Variants in APTX observed in about 807,000 individuals in gnomAD.
The protein encoded by APTX is aprataxin, also known as forkhead-associated domain histidine triad-like protein.
Under a neutral mutation model 42.3 loss-of-function variants are expected in APTX, and 33 were observed. The ratio of observed to expected loss-of-function variants is 0.78; its 90% confidence interval spans 0.59 to 1.04. APTX has a LOEUF of 1.04. Among genes scored for constraint, APTX ranks in the 50% least tolerant of loss-of-function variants. APTX has a pLI of 0.00. For missense variants in APTX, 421 were observed against 415.1 expected, an observed-to-expected ratio of 1.01 and a Z score of -0.12; for synonymous variants, 130 against 146.7, an observed-to-expected ratio of 0.89 and a Z score of 0.82.
chr9:33,006,816 T>C (rs374126026), intron 1 of APTX, among the ~76,000 whole-genome samples: 3 of 151,486 alleles, frequency 2.0e-5, no homozygotes, highest in Non-Finnish European at 2.9e-5. Context: ...CTGGCTAACA[T>C]GGTGAAACCC....
Position 32,984,836 on chromosome 9 carries a change from C to T in APTX, c.565G>A (p.Val189Met), listed in dbSNP as rs760391639. The change falls in exon 6 of 8, where the codon GTG (valine) becomes ATG (methionine). Residue 189 changes from valine to methionine, a missense_variant. Coordinates refer to ENST00000379817, the MANE Select transcript of APTX (RefSeq NM_001195248.2). ...TTTGGGTATTTATCCTTTATCACCA[C>T]CACCTGCTCATCTTTGTAAACCTAG... Reference protein sequence around the residue: ...KMQVYKDEQVVVIKDKYPKAR... With the variant: ...KMQVYKDEQVMVIKDKYPKAR... 1.9e-6 allele frequency: 3 copies of T among 1,614,172 alleles called. No homozygotes were observed. The highest frequency in any genetic ancestry group is 2.5e-6 in the Non-Finnish European group (3 of 1,180,004).
intron 1 of APTX, among the ~76,000 whole-genome samples, chr9:33,021,384 A>G (rs1316357225): frequency 6.6e-6 from 1 of 152,156 alleles, no homozygotes; most frequent in Non-Finnish European, 1.5e-5. Flanking sequence ...TAAAACTCAC[A>G]ATGGGATTTG....
intron 5 of APTX, among the ~76,000 whole-genome samples, chr9:32,985,479 C>G (rs1441432875): frequency 6.6e-6 from 1 of 152,074 alleles, no homozygotes; most frequent in Non-Finnish European, 1.5e-5. Context: ...AGATTACAGG[C>G]ATGCACCACC....
intron 1 of APTX, among the ~76,000 whole-genome samples, chr9:33,013,880 G>C (rs1340806684): frequency 6.6e-6 from 1 of 152,200 alleles, no homozygotes; most frequent in Non-Finnish European, 1.5e-5. Flanking sequence ...GGAGATGAAA[G>C]AAATGACAGG....
At chr9:33,004,772 A>G (rs889015814), upstream of APTX, among the ~76,000 whole-genome samples, 2 of 150,984 alleles carry the variant, frequency 1.3e-5, no homozygotes, top group African/African-American at 4.9e-5. Context: ...AGCTGGGACT[A>G]CAGGTGCCTG....
At chr9:32,974,900 A>C (rs757047140) in intron 6 of APTX, among the ~76,000 whole-genome samples, 10 of 152,236 alleles carry the variant, frequency 6.6e-5, no homozygotes, top group Non-Finnish European at 1.3e-4. Context: ...ACAAAAAAAA[A>C]CTTAAAGAAT....
chr9:32,994,958 G>T (rs1039618841), intron 1 of APTX, among the ~76,000 whole-genome samples: 1 of 152,168 alleles, frequency 6.6e-6, no homozygotes, highest in African/African-American at 2.4e-5. Context: ...CTGGACGACA[G>T]CATGACTGAC....
At chr9:33,024,714 T>A (rs557353118) in intron 1 of APTX, 1 of 152,098 alleles carries the variant, frequency 6.6e-6, no homozygotes, top group East Asian at 1.9e-4. Context: ...CTTAACAACT[T>A]CACAATTTGA....
In APTX at chr9:32,990,010, G is replaced by C. The variant is rs1041087508; in HGVS notation, c.-4-115C>G. ...CTACCAGCTGTTCATCTTGAGGCAA[G>C]TGACTTCACCACCCTAGTCTCAATT... On this transcript the variant is annotated intron_variant, in intron 1 of 7. Transcript: ENST00000379817. 78 of 1,304,012 alleles carry C rather than the reference G, an allele frequency of 6.0e-5. 5 individuals are homozygous for C. Among genetic ancestry groups the C allele is most frequent in the Non-Finnish European group, 3.2e-6 (3 of 933,834 alleles). The allele number at this position is 1,304,012 out of a possible 1,614,324, so 80.8% of individuals were successfully genotyped here.
chr9:33,001,639 G>A (rs1258549562), upstream of APTX: 2 of 1,612,696 alleles, frequency 1.2e-6, no homozygotes, highest in East Asian at 2.2e-5. Flanking sequence ...GCGGGATGAC[G>A]TCAGAGGCCG....
At chr9:33,011,085 G>A (rs138024660) in intron 1 of APTX, among the ~76,000 whole-genome samples, 537 of 151,846 alleles carry the variant, frequency 3.5e-3, no homozygotes, top group African/African-American at 0.012. Flanking sequence ...AGAGGTTGTA[G>A]TGAGCTGAGA....
intron 1 of APTX, among the ~76,000 whole-genome samples, chr9:33,011,185 T>C (rs1247499747): frequency 6.6e-6 from 1 of 151,910 alleles, no homozygotes; most frequent in Non-Finnish European, 1.5e-5. Flanking sequence ...CTTGGTAGTG[T>C]GGGAGGCCTC....
intron 4 of APTX, among the ~76,000 whole-genome samples, chr9:32,986,784 AGC>A: frequency 6.6e-6 from 1 of 151,350 alleles, no homozygotes; most frequent in South Asian, 2.1e-4. Flanking sequence ...TACAGGCGTG[AGC>A]CAGCACACCC....
chr9:32,992,951 G>C (rs184440286), intron 1 of APTX, among the ~76,000 whole-genome samples: 2 of 152,320 alleles, frequency 1.3e-5, no homozygotes, highest in South Asian at 2.1e-4. Flanking sequence ...TGCGTTCCAA[G>C]GGGCATCTGT....
chr9:32,986,032 T>TAAAAAAAAAA lies in APTX; in HGVS notation c.484-12_484-3dup, dbSNP rs373304582. The TAAAAAAAAAA allele has an allele frequency of 2.7e-6, 2 of 733,310 alleles. No homozygotes were observed. The highest frequency in any genetic ancestry group is 4.9e-5 in the African/African-American group (1 of 20,596). The allele number at this position is 733,310 out of a possible 1,614,324, so 45.4% of individuals were successfully genotyped here. A position where few individuals can be genotyped will look rare whatever the true frequency, so the allele number is the denominator to read the frequency against. On this transcript the variant is annotated splice_polypyrimidine_tract_variant and splice_region_variant and intron_variant, in intron 4 of 7. Transcript: ENST00000379817. The stretch of plus-strand genomic sequence containing the variant: ...TTGACTCCAGTGGCCCAGGGATTCC[T>TAAAAAAAAAA]AAAAAAAAAACAAAAAAAAAAACAA...
At chr9:33,015,648 C>T (rs79227589) in intron 1 of APTX, among the ~76,000 whole-genome samples, 18 of 152,316 alleles carry the variant, frequency 1.2e-4, no homozygotes, top group African/African-American at 2.9e-4. Flanking sequence ...TGAGCCACCA[C>T]GCCCGGCCTG....
chr9:32,973,023 A>G lies in APTX; in HGVS notation c.*475T>C, dbSNP rs1469196492. 2.2e-6 allele frequency: 1 copy of G among 454,208 alleles called. No homozygotes were observed. The highest frequency in any genetic ancestry group is 4.4e-6 in the Non-Finnish European group (1 of 226,830). 28.1% of individuals were successfully genotyped at this position (454,208 alleles called of 1,614,324 possible). On this transcript the variant is annotated 3_prime_UTR_variant, in exon 8 of 8. Coordinates refer to ENST00000379817, the MANE Select transcript of APTX (RefSeq NM_001195248.2). ...ACTAAGCCTCCCCATGAAGGAAGGG[A>G]AAAGAATATTACAAAACAGACTAAC... is the stretch of plus-strand genomic sequence containing the variant.
intron 4 of APTX, 30 bp from the exon 5 acceptor site, chr9:32,986,060 A>AC: frequency 1.4e-6 from 2 of 1,442,174 alleles, no homozygotes; most frequent in African/African-American, 1.5e-5. Context: ...AAAAACAAAA[A>AC]AAAAAAAAAA....
At chr9:32,984,916 G>T in intron 5 of APTX, 59 bp from the exon 6 acceptor site, 1 of 1,469,970 alleles carries the variant, frequency 6.8e-7, no homozygotes, top group African/African-American at 1.4e-5. Context: ...CTGTGTGCCT[G>T]GTTGTTATAT....
Sources: gnomAD v4.1 joint callset for allele counts (sites outside exome capture counted in the v4.1 genomes callset) on GRCh38, gnomAD v4.1.1 for gene constraint, MANE v1.5 for transcripts, NCBI Gene and HGNC (gene_info 2026-07-23, HGNC 2026-07-21) for gene names.